Variants in TTBK2 observed in about 807,000 individuals in gnomAD.
TTBK2 encodes tau tubulin kinase 2, also known as tau-tubulin kinase 2.
Under a neutral mutation model 110.8 loss-of-function variants are expected in TTBK2, and 28 were observed. The observed-to-expected ratio is 0.25, with a 90% CI of 0.19 to 0.35. The LOEUF (loss-of-function observed/expected upper bound fraction) is 0.35, where lower values mean the gene tolerates loss of function less well. Ranked by LOEUF, TTBK2 falls within the 10% of genes least tolerant of loss-of-function variation. The pLI is 1.00. For missense variants in TTBK2, 1,369 were observed against 1,500.3 expected, an observed-to-expected ratio of 0.91 and a Z score of 1.45; for synonymous variants, 532 against 527.3, an observed-to-expected ratio of 1.01 and a Z score of -0.12.
chr15:42,850,138 A>G (rs1277178752), intron 3 of TTBK2, among the ~76,000 whole-genome samples: 8 of 152,150 alleles, frequency 5.3e-5, no homozygotes, highest in African/African-American at 1.9e-4. Context: ...GCCTGCCCCC[A>G]TTGAGGCCAC....
At chr15:42,799,019 G>A (rs1364438741) in intron 9 of TTBK2, among the ~76,000 whole-genome samples, 2 of 152,026 alleles carry the variant, frequency 1.3e-5, no homozygotes, top group African/African-American at 2.4e-5. Context: ...GGGGCATTTC[G>A]GATTTTCGAT....
chr15:42,785,944 A>T (rs1890395185), intron 10 of TTBK2, among the ~76,000 whole-genome samples: 2 of 152,154 alleles, frequency 1.3e-5, no homozygotes, highest in Admixed American at 6.5e-5. Context: ...CACTGGTGTC[A>T]CGAGTATTTC....
intron 9 of TTBK2, chr15:42,801,325 T>G (rs557607082): frequency 1.9e-6 from 3 of 1,599,358 alleles, no homozygotes; most frequent in Non-Finnish European, 2.6e-6. Context: ...ATGTCTTGAC[T>G]GGCTAGCTGC....
rs1442938876 is a variant in TTBK2, at chr15:42,878,585, C to T, written c.33G>A (p.Leu11=). ...TTTCTTTCACTAGGATTCCAACACT[C>T]AGGATATCCAGCTGCTCTCCTCCCC... MSGGGEQLDI[L]SVGILVKERW... is the part of the protein sequence containing the mutation. Residue 11 remains leucine (L), a synonymous_variant, in exon 2 of 15, where the codon CTG becomes CTA. Transcript: ENST00000267890. 2.5e-6 allele frequency: 4 copies of T among 1,613,692 alleles called. No homozygotes were observed. The highest frequency in any genetic ancestry group is 3.4e-6 in the Non-Finnish European group (4 of 1,180,000).
At chr15:42,796,599 A>G (rs1890956746) in intron 9 of TTBK2, among the ~76,000 whole-genome samples, 1 of 152,228 alleles carries the variant, frequency 6.6e-6, no homozygotes, top group African/African-American at 2.4e-5. Context: ...GGTATTCTAG[A>G]CTAAAGTGAA....
intron 1 of TTBK2, among the ~76,000 whole-genome samples, chr15:42,913,669 G>T (rs550783655): frequency 6.6e-6 from 1 of 151,996 alleles, no homozygotes; most frequent in African/African-American, 2.4e-5. Flanking sequence ...AGCTTTACAG[G>T]TCAGTATGGT....
intron 9 of TTBK2, among the ~76,000 whole-genome samples, chr15:42,806,817 ATT>A (rs541566517): frequency 1.7e-4 from 24 of 143,988 alleles, no homozygotes; most frequent in Non-Finnish European, 2.6e-4. Context: ...TTTTTTTGTG[ATT>A]TTTTTTTTTT....
intron 3 of TTBK2, among the ~76,000 whole-genome samples, chr15:42,863,044 T>C (rs905443983): frequency 2.6e-5 from 4 of 152,100 alleles, no homozygotes; most frequent in Non-Finnish European, 4.4e-5. Flanking sequence ...CTACTCAACA[T>C]AGTATTGGAA....
At chr15:42,781,192 T>G (rs967361894) in intron 11 of TTBK2, among the ~76,000 whole-genome samples, 2 of 150,408 alleles carry the variant, frequency 1.3e-5, no homozygotes, top group Non-Finnish European at 3.0e-5. Flanking sequence ...GCTTTAATGC[T>G]AGAAAAAAAA....
Position 42,745,554 on chromosome 15 carries a change from C to T in TTBK2, c.*241G>A. On this transcript the variant is annotated 3_prime_UTR_variant, in exon 15 of 15. Transcript: ENST00000267890. ...GAGAGCTCATTTTAATGAGTTTCTC[C>T]CCCTTGGATTTTTGCTCTATTTTTC... 1 of 546,594 alleles carries T rather than the reference C, an allele frequency of 1.8e-6. No individual in the cohort carries two copies. The highest frequency in any genetic ancestry group is 3.3e-6 in the Non-Finnish European group (1 of 306,872). 33.9% of individuals were successfully genotyped at this position (546,594 alleles called of 1,614,324 possible). A position where few individuals can be genotyped will look rare whatever the true frequency, so the allele number is the denominator to read the frequency against.
At chr15:42,866,348 C>T (rs942972525) in intron 3 of TTBK2, among the ~76,000 whole-genome samples, 2 of 151,952 alleles carry the variant, frequency 1.3e-5, no homozygotes, top group Admixed American at 6.6e-5. Flanking sequence ...CTCTAAGAGG[C>T]CATATACTAT....
intron 4 of TTBK2, among the ~76,000 whole-genome samples, chr15:42,837,750 G>A (rs542396880): frequency 6.0e-5 from 9 of 150,066 alleles, no homozygotes; most frequent in Non-Finnish European, 1.2e-4. Context: ...ACATGACTCA[G>A]AAAGACCTTA....
Position 42,777,131 on chromosome 15 carries a change from T to C in TTBK2, c.1309A>G (p.Ile437Val), listed in dbSNP as rs1468022664. 6.2e-7 allele frequency: 1 copy of C among 1,614,116 alleles called. No individual in the cohort carries two copies. The highest frequency in any genetic ancestry group is 8.5e-7 in the Non-Finnish European group (1 of 1,180,058). Residue 437 changes from isoleucine (I) to valine (V), a missense_variant, in exon 12 of 15, where the codon ATT (isoleucine) becomes GTT (valine). Ile to Val is a conservative substitution (Grantham distance 29). Around this residue, in one of 4 missense-constraint regions of TTBK2, gnomAD observed 1,097 missense variants for 1,114.7 expected, o/e 0.98. Transcript: ENST00000267890. ...GAACGTAACTTTCGCACCAGTGGAA[T>C]ATCTCTGTCTGGCTGAGTAATCTCT... ...RSEITQPDRD[I>V]PLVRKLRSIH...
chr15:42,793,358 A>T (rs1890783005), intron 10 of TTBK2, among the ~76,000 whole-genome samples: 1 of 152,206 alleles, frequency 6.6e-6, no homozygotes, highest in Non-Finnish European at 1.5e-5. Context: ...TCTTCCGATG[A>T]TTCAACAAGT....
At chr15:42,777,374 G>C in intron 11 of TTBK2, 132 bp from the exon 12 acceptor site, 1 of 923,942 alleles carries the variant, frequency 1.1e-6, no homozygotes, top group Non-Finnish European at 1.6e-6. Flanking sequence ...ATTTTGGCTA[G>C]TTTACTTCAT....
intron 1 of TTBK2, among the ~76,000 whole-genome samples, chr15:42,901,641 A>T (rs184443600): frequency 1.9e-4 from 29 of 151,872 alleles, no homozygotes; most frequent in South Asian, 6.2e-4. Flanking sequence ...GAATTTAATT[A>T]AAAAAAATTT....
intron 2 of TTBK2, among the ~76,000 whole-genome samples, chr15:42,875,905 C>CAAA (rs57982301): frequency 1.3e-3 from 76 of 56,578 alleles, no homozygotes; most frequent in East Asian, 4.5e-3. Context: ...GACTCCGTCT[C>CAAA]AAAAAAAAAA....
At chr15:42,803,049 G>A (rs974018152) in intron 9 of TTBK2, among the ~76,000 whole-genome samples, 3 of 152,060 alleles carry the variant, frequency 2.0e-5, no homozygotes, top group East Asian at 1.9e-4. Context: ...GCCCGCAGAC[G>A]GCCTATTGTG....
chr15:42,838,863 A>G (rs2049966036), intron 4 of TTBK2, among the ~76,000 whole-genome samples: 1 of 152,164 alleles, frequency 6.6e-6, no homozygotes, highest in Admixed American at 6.5e-5. Context: ...ATGAAAAGAA[A>G]AAGAAAAAGG....
Sources: allele counts gnomAD v4.1 joint callset (sites outside exome capture counted in the v4.1 genomes callset), GRCh38; gene constraint gnomAD v4.1.1; regional missense constraint gnomAD v4.1.1; transcripts MANE v1.5; gene names NCBI Gene and HGNC (gene_info 2026-07-23, HGNC 2026-07-21).